The following PCDH15 variants were observed in gnomAD, a reference collection of about 807,000 sequenced individuals.
PCDH15 encodes protocadherin related 15.
In PCDH15, 129 loss-of-function variants were observed where a neutral mutation model predicts 178.5. The ratio of observed to expected loss-of-function variants is 0.72; its 90% CI spans 0.63 to 0.84. PCDH15 has a LOEUF of 0.84. PCDH15 is among the 40% of genes least tolerant of loss of function. The probability of loss-of-function intolerance (pLI) is 0.00; values close to 1 mark genes in which losing one functional copy is unlikely to be tolerated. For missense variants in PCDH15, 2,230 were observed against 2,099.9 expected (o/e 1.06, Z -1.21); for synonymous variants, 800 against 732.0 (o/e 1.09, Z -1.50).
chr10:55,398,419 T>C (rs1206105551), intron 2 of PCDH15, among the ~76,000 whole-genome samples: 1 of 152,150 alleles, frequency 6.6e-6, no homozygotes, highest in African/African-American at 2.4e-5. Context: ...CCATGATAAA[T>C]GGAATATGAA....
intron 3 of PCDH15, among the ~76,000 whole-genome samples, chr10:54,389,932 G>T (rs1950347740): frequency 6.6e-6 from 1 of 152,108 alleles, no homozygotes; most frequent in South Asian, 2.1e-4. Context: ...GACAGAGTGA[G>T]ACTCCGTCTT....
intron 1 of PCDH15, among the ~76,000 whole-genome samples, chr10:54,705,686 T>C (rs910295336): frequency 1.8e-4 from 27 of 152,166 alleles, no homozygotes; most frequent in African/African-American, 6.5e-4. Context: ...GATTTGACTA[T>C]AATAGATTAT....
chr10:54,312,479 C>T (rs1020450909), intron 8 of PCDH15, among the ~76,000 whole-genome samples: 6 of 152,192 alleles, frequency 3.9e-5, no homozygotes, highest in African/African-American at 1.4e-4. Context: ...TTGAAACTGG[C>T]AGAGATTTGA....
chr10:53,958,600 T>C (rs1237725313), intron 23 of PCDH15, among the ~76,000 whole-genome samples: 1 of 152,122 alleles, frequency 6.6e-6, no homozygotes, highest in Non-Finnish European at 1.5e-5. Context: ...CAGCTGCCTA[T>C]TAAGACCAGA....
At chr10:54,182,210 G>A (rs777592762) in intron 13 of PCDH15, among the ~76,000 whole-genome samples, 5 of 152,132 alleles carry the variant, frequency 3.3e-5, no homozygotes, top group African/African-American at 7.2e-5. Context: ...CAGGCAATCC[G>A]CTCGCCTCGG....
chr10:55,534,865 A>G (rs564940661), intron 2 of PCDH15, among the ~76,000 whole-genome samples: 3 of 152,258 alleles, frequency 2.0e-5, no homozygotes, highest in Admixed American at 1.3e-4. Flanking sequence ...CATATGCACC[A>G]TGGACTACTA....
chr10:54,195,691 T>C lies in PCDH15; in HGVS notation c.1297A>G (p.Ile433Val), dbSNP rs1432812776. The C allele has an allele frequency of 7.4e-6, 12 of 1,613,232 alleles. No homozygotes were observed. Among genetic ancestry groups the C allele is most frequent in the Non-Finnish European group, 9.3e-6 (11 of 1,179,234 alleles). Residue 433 changes from isoleucine (I) to valine (V), a missense_variant, in exon 11 of 38, where the codon ATA becomes GTA. By Grantham distance (29) the Ile-to-Val change is conservative. Coordinates refer to ENST00000644397, the MANE Select transcript of PCDH15 (RefSeq NM_001384140.1). The stretch of plus-strand genomic sequence containing the variant: ...ATATGTATTTAACTTACATCTTCTA[T>C]GTCCTTGTCCAGAGCTACTATTCTT... Reference protein sequence around the residue: ...PLRIVALDKDIEDTKDPELHL... With the variant: ...PLRIVALDKDVEDTKDPELHL...
intron 26 of PCDH15, among the ~76,000 whole-genome samples, chr10:53,878,464 T>C (rs1029230003): frequency 7.2e-5 from 10 of 138,448 alleles, no homozygotes; most frequent in South Asian, 4.4e-4. Context: ...TGTGTGTGTA[T>C]GCCATAGTAT....
Position 54,600,637 on chromosome 10 carries a change from A to G in PCDH15, c.91+63535T>C, listed in dbSNP as rs1225369737. On this transcript the variant is annotated intron_variant, in intron 2 of 37. Coordinates refer to ENST00000644397, the MANE Select transcript of PCDH15 (RefSeq NM_001384140.1). The stretch of plus-strand genomic sequence containing the variant: ...CCAGTGTCTACTAAAAAGGTAGAAA[A>G]TGTCACTTCACATGCCGTAATAAAG... The G allele has an allele frequency of 8.6e-6, 5 of 579,270 alleles. No individual in the cohort carries two copies. In the Admixed American group the frequency reaches 9.8e-5, roughly 11 times the overall value. The allele number at this position is 579,270 out of a possible 1,614,324, so 35.9% of individuals were successfully genotyped here.
chr10:54,303,205 G>T (rs1480982723), intron 8 of PCDH15, among the ~76,000 whole-genome samples: 1 of 152,032 alleles, frequency 6.6e-6, no homozygotes, highest in Non-Finnish European at 1.5e-5. Flanking sequence ...TCAGAGAATT[G>T]CTGATAAGGT....
intron 3 of PCDH15, among the ~76,000 whole-genome samples, chr10:54,867,967 T>C (rs1215288946): frequency 6.6e-6 from 1 of 152,158 alleles, no homozygotes; most frequent in Non-Finnish European, 1.5e-5. Context: ...CCTTTAATGT[T>C]CTCACCACAC....
intron 2 of PCDH15, among the ~76,000 whole-genome samples, chr10:54,581,642 G>A (rs971515320): frequency 1.3e-5 from 2 of 151,940 alleles, no homozygotes; most frequent in Non-Finnish European, 2.9e-5. Context: ...AAAGAAAAAA[G>A]CCAGAGGCAT....
chr10:54,347,804 G>T (rs1019147217), intron 5 of PCDH15, among the ~76,000 whole-genome samples: 1 of 152,028 alleles, frequency 6.6e-6, no homozygotes, highest in African/African-American at 2.4e-5. Context: ...TATTTTAATT[G>T]TATATAAAAT....
chr10:54,387,604 A>C (rs185409865), intron 3 of PCDH15, among the ~76,000 whole-genome samples: 1 of 152,296 alleles, frequency 6.6e-6, no homozygotes, highest in Non-Finnish European at 1.5e-5. Flanking sequence ...CAGGCCTCTC[A>C]AAGTATCAAA....
chr10:54,356,510 A>G lies in PCDH15; in HGVS notation c.475-10026T>C, dbSNP rs181166748. The stretch of plus-strand genomic sequence containing the variant: ...ATATATGACATATAGTATACATTAT[A>G]TATAATTACATGGTATATATACACT... On this transcript the variant is annotated intron_variant, in intron 5 of 37. Transcript: ENST00000644397. Among the ~76,000 whole-genome samples, 4 of 151,788 alleles carry G rather than the reference A, an allele frequency of 2.6e-5. No individual in the cohort carries two copies. In the East Asian group the frequency reaches 7.7e-4, roughly 29 times the overall value.
At position 55,261,516 on chromosome 10, in the gene PCDH15, T is replaced by C. The variant is rs140530869; in HGVS notation, c.-156+58083A>G. ...GTTATACCAATGTATTAGCATGTATTTGTGTATTGCATCTCCAGAAAGCCA... is the reference window on the plus strand; with the variant it reads ...GTTATACCAATGTATTAGCATGTATCTGTGTATTGCATCTCCAGAAAGCCA... On this transcript the variant is annotated intron_variant, in intron 1 of 5. Coordinates refer to the PCDH15 transcript ENST00000458638. 2.2e-3 allele frequency among the ~76,000 whole-genome samples: 332 copies of C among 151,982 alleles called. 2 individuals are homozygous for C. Among genetic ancestry groups the C allele is most frequent in the African/African-American group, 7.4e-3 (307 of 41,522 alleles).
rs116266767 is a variant in PCDH15, at chr10:55,264,468, C to T, written c.-156+55131G>A. The stretch of plus-strand genomic sequence containing the variant: ...CCAGGTTTTCCCTGCTTCATGGGTA[C>T]GTATCACATCAGTACTTATGGCCAG... On this transcript the variant is annotated intron_variant, in intron 1 of 5. Transcript: ENST00000458638. Among the ~76,000 whole-genome samples, 750 of 152,202 alleles carry T rather than the reference C, an allele frequency of 4.9e-3. 4 individuals carry two copies. The highest frequency in any genetic ancestry group is 0.017 in the African/African-American group (724 of 41,522).
chr10:54,398,354 C>T (rs1490103432), intron 3 of PCDH15, among the ~76,000 whole-genome samples: 1 of 151,868 alleles, frequency 6.6e-6, no homozygotes, highest in Non-Finnish European at 1.5e-5. Flanking sequence ...AATAGGTTCA[C>T]ACTTCTGAAT....
At chr10:53,990,244 TC>T (rs2091372492) in intron 21 of PCDH15, among the ~76,000 whole-genome samples, 1 of 152,086 alleles carries the variant, frequency 6.6e-6, no homozygotes, top group South Asian at 2.1e-4. Flanking sequence ...AGGTAGCTCT[TC>T]TAAGCTCTGA....
Sources: gnomAD v4.1 joint callset for allele counts (sites outside exome capture counted in the v4.1 genomes callset) on GRCh38, gnomAD v4.1.1 for gene constraint, MANE v1.5 for transcripts, NCBI Gene and HGNC (gene_info 2026-07-23, HGNC 2026-07-21) for gene names.